The following NEBL variants were observed in gnomAD, a reference collection of about 807,000 sequenced individuals.
The protein encoded by NEBL is LIM and SH3 protein 2.
A neutral mutation model predicts 140.2 loss-of-function variants in NEBL; 122 were observed. That is an observed-to-expected ratio of 0.87 (90% CI 0.75 to 1.01). The LOEUF (loss-of-function observed/expected upper bound fraction) is 1.01. Ranked by LOEUF, NEBL falls within the 50% of genes least tolerant of loss-of-function variation. The pLI is 0.00. For synonymous variants in NEBL, 436 were observed against 398.9 expected (o/e 1.09, Z -1.11); for missense variants, 1,365 against 1,231.3 (o/e 1.11, Z -1.62).
intron 3 of NEBL, among the ~76,000 whole-genome samples, chr10:20,989,817 C>T (rs544144270): frequency 3.3e-5 from 5 of 152,204 alleles, no homozygotes; most frequent in East Asian, 3.9e-4. Flanking sequence ...CTTACCCTGA[C>T]GTCTGCAGAG....
At chr10:21,077,015 G>A (rs550892041) in intron 2 of NEBL, among the ~76,000 whole-genome samples, 2 of 152,222 alleles carry the variant, frequency 1.3e-5, no homozygotes, top group South Asian at 4.2e-4. Flanking sequence ...TACTGCCACT[G>A]AACTGTCCAC....
intron 4 of NEBL, among the ~76,000 whole-genome samples, chr10:20,933,283 T>A (rs143207533): frequency 6.6e-6 from 1 of 152,294 alleles, no homozygotes; most frequent in African/African-American, 2.4e-5. Context: ...AAGTGTCAAT[T>A]TTTTAAGCCA....
chr10:20,941,271 G>T (rs1034793849), intron 4 of NEBL, among the ~76,000 whole-genome samples: 4 of 152,196 alleles, frequency 2.6e-5, no homozygotes, highest in African/African-American at 9.7e-5. Flanking sequence ...GGGATGCAAG[G>T]CCGGTTCAAC....
chr10:21,017,502 C>A (rs1838602072), intron 3 of NEBL, among the ~76,000 whole-genome samples: 1 of 152,160 alleles, frequency 6.6e-6, no homozygotes, highest in South Asian at 2.1e-4. Flanking sequence ...TCCCACCAGC[C>A]TATAATTATT....
chr10:21,193,297 G>C (rs1419903928), intron 3 of NEBL, among the ~76,000 whole-genome samples: 2 of 152,200 alleles, frequency 1.3e-5, no homozygotes, highest in Non-Finnish European at 2.9e-5. Context: ...ACAGCTAGTA[G>C]CTGGAACTGG....
At chr10:21,255,981 C>CAA (rs774590730) in intron 1 of NEBL, among the ~76,000 whole-genome samples, 17 of 122,706 alleles carry the variant, frequency 1.4e-4, no homozygotes, top group South Asian at 1.3e-3. Context: ...GACTCTGTCT[C>CAA]AAAAAAAAAA....
At chr10:20,994,300 T>A (rs1837580272) in intron 3 of NEBL, among the ~76,000 whole-genome samples, 1 of 152,208 alleles carries the variant, frequency 6.6e-6, no homozygotes, top group Non-Finnish European at 1.5e-5. Flanking sequence ...AACTTGAAGC[T>A]GATTCCATAT....
chr10:20,867,089 T>G (rs1283264514), intron 7 of NEBL, among the ~76,000 whole-genome samples: 4 of 152,276 alleles, frequency 2.6e-5, no homozygotes, highest in East Asian at 1.9e-4. Flanking sequence ...GACTTCTCTT[T>G]TTTTATATTT....
At chr10:21,049,238 C>T (rs1164751753) in intron 2 of NEBL, among the ~76,000 whole-genome samples, 2 of 152,130 alleles carry the variant, frequency 1.3e-5, no homozygotes, top group Non-Finnish European at 2.9e-5. Context: ...GTACCATGGC[C>T]TAGCCAAGCT....
intron 4 of NEBL, among the ~76,000 whole-genome samples, chr10:20,940,202 A>T (rs1472505567): frequency 6.6e-6 from 1 of 152,170 alleles, no homozygotes; most frequent in African/African-American, 2.4e-5. Context: ...ACTCCTCAGC[A>T]AATGTAAAAG....
At chr10:20,874,413 T>C (rs1481509483) in intron 5 of NEBL, among the ~76,000 whole-genome samples, 2 of 152,168 alleles carry the variant, frequency 1.3e-5, no homozygotes, top group Non-Finnish European at 1.5e-5. Flanking sequence ...ATTTGAATGA[T>C]CTGAGGCTGG....
At chr10:20,787,890 A>G (rs1284158200) in intron 26 of NEBL, among the ~76,000 whole-genome samples, 1 of 152,216 alleles carries the variant, frequency 6.6e-6, no homozygotes, top group African/African-American at 2.4e-5. Context: ...TGTTTTATGA[A>G]GGAGTGATAT....
chr10:20,945,002 C>T (rs938940486), intron 4 of NEBL, among the ~76,000 whole-genome samples: 3 of 152,144 alleles, frequency 2.0e-5, no homozygotes, highest in African/African-American at 7.2e-5. Context: ...TTTAAACAAA[C>T]AATAACCCTG....
chr10:21,288,778 A>T (rs569784033), intron 1 of NEBL, among the ~76,000 whole-genome samples: 46 of 133,782 alleles, frequency 3.4e-4, no homozygotes, highest in East Asian at 2.4e-3. Flanking sequence ...AAAAAAAGAA[A>T]AAGAAAATTA....
intron 2 of NEBL, among the ~76,000 whole-genome samples, chr10:21,122,620 T>C (rs1189736824): frequency 6.6e-6 from 1 of 152,150 alleles, no homozygotes; most frequent in African/African-American, 2.4e-5. Flanking sequence ...AAGGGTACTA[T>C]AAAAGGCAGA....
chr10:21,266,080 C>A (rs908480982), intron 1 of NEBL, among the ~76,000 whole-genome samples: 3 of 152,114 alleles, frequency 2.0e-5, no homozygotes, highest in Non-Finnish European at 2.9e-5. Flanking sequence ...GATCCTGCTG[C>A]CCCCCATATC....
chr10:21,275,637 CTTTTTT>C (rs11396394), intron 1 of NEBL, among the ~76,000 whole-genome samples: 1 of 119,532 alleles, frequency 8.4e-6, no homozygotes, highest in Non-Finnish European at 1.7e-5. Context: ...ACATTACCAG[CTTTTTT>C]TTTTTTTTTT....
chr10:20,918,972 T>C (rs762257512), intron 4 of NEBL, among the ~76,000 whole-genome samples: 1 of 152,302 alleles, frequency 6.6e-6, no homozygotes, highest in East Asian at 1.9e-4. Context: ...CTGGAAGGAA[T>C]TGACCCAAGT....
intron 3 of NEBL, among the ~76,000 whole-genome samples, chr10:21,196,266 T>C (rs1248843769): frequency 2.6e-5 from 4 of 151,692 alleles, no homozygotes; most frequent in Non-Finnish European, 4.4e-5. Context: ...CCTCCCAAAG[T>C]GCTGGGATTA....
Sources: gnomAD v4.1 joint callset for allele counts (sites outside exome capture counted in the v4.1 genomes callset) on GRCh38, gnomAD v4.1.1 for gene constraint, MANE v1.5 for transcripts, NCBI Gene and HGNC (gene_info 2026-07-23, HGNC 2026-07-21) for gene names.